The following CTNNA3 variants were observed in gnomAD, a reference collection of about 807,000 sequenced individuals.
The protein encoded by CTNNA3 is catenin alpha-3.
A neutral mutation model predicts 95.7 loss-of-function variants in CTNNA3; 76 were observed. The observed-to-expected ratio is 0.79, with a 90% CI of 0.66 to 0.96. The LOEUF (loss-of-function observed/expected upper bound fraction) is 0.96. Among genes scored for constraint, CTNNA3 ranks in the 40% least tolerant of loss-of-function variants. CTNNA3 has a pLI of 0.00. For synonymous variants in CTNNA3, 431 were observed against 374.4 expected (o/e 1.15, Z -1.74); for missense variants, 1,191 against 1,089.8 (o/e 1.09, Z -1.31).
intron 2 of CTNNA3, among the ~76,000 whole-genome samples, chr10:67,641,263 T>C (rs1298079204): frequency 1.3e-5 from 2 of 151,982 alleles, no homozygotes; most frequent in Non-Finnish European, 1.5e-5. Flanking sequence ...AAAATGCTCA[T>C]CATCACTGGC....
intron 11 of CTNNA3, among the ~76,000 whole-genome samples, chr10:66,474,560 C>T (rs1839254581): frequency 6.6e-6 from 1 of 151,850 alleles, no homozygotes; most frequent in South Asian, 2.1e-4. Flanking sequence ...GGATGTATAC[C>T]CAATAGTGGA....
At chr10:67,566,075 A>ATATATATATATATATATATATATAG (rs1156404935) in intron 3 of CTNNA3, among the ~76,000 whole-genome samples, 1 of 100,202 alleles carries the variant, frequency 1.0e-5, no homozygotes, top group African/African-American at 3.7e-5. Context: ...ATATATATAC[A>ATATATATATATATATATATATATAG]AAACCTAGGC....
At chr10:66,378,863 T>C (rs777599078) in intron 12 of CTNNA3, among the ~76,000 whole-genome samples, 10 of 152,208 alleles carry the variant, frequency 6.6e-5, no homozygotes, top group Non-Finnish European at 1.2e-4. Flanking sequence ...AGCCTAATTA[T>C]ATCTCCTAAT....
intron 7 of CTNNA3, among the ~76,000 whole-genome samples, chr10:67,115,218 C>T (rs1022439695): frequency 5.3e-5 from 8 of 151,794 alleles, no homozygotes; most frequent in East Asian, 3.9e-4. Flanking sequence ...GCAAACAAGA[C>T]GACTATAATC....
chr10:66,301,667 A>G (rs2091865234), intron 12 of CTNNA3, among the ~76,000 whole-genome samples: 2 of 151,898 alleles, frequency 1.3e-5, no homozygotes, highest in Non-Finnish European at 2.9e-5. Flanking sequence ...AAAATCCTAC[A>G]CCCACTCATA....
At chr10:67,487,621 A>G (rs903384266) in intron 5 of CTNNA3, among the ~76,000 whole-genome samples, 2 of 152,218 alleles carry the variant, frequency 1.3e-5, no homozygotes, top group African/African-American at 2.4e-5. Flanking sequence ...CCCATGGAGG[A>G]AAAGAGGATG....
chr10:66,916,577 T>G (rs1846504837), intron 7 of CTNNA3, among the ~76,000 whole-genome samples: 1 of 152,162 alleles, frequency 6.6e-6, no homozygotes. Flanking sequence ...CCTATTAAAT[T>G]TCAAGAATCC....
intron 16 of CTNNA3, among the ~76,000 whole-genome samples, chr10:65,970,439 T>C (rs1181764884): frequency 1.3e-5 from 2 of 151,932 alleles, no homozygotes; most frequent in Admixed American, 1.3e-4. Context: ...TATCCTTGAA[T>C]GTGAATAGCC....
intron 9 of CTNNA3, among the ~76,000 whole-genome samples, chr10:66,663,617 T>C (rs751795647): frequency 2.2e-4 from 34 of 152,266 alleles, no homozygotes; most frequent in Non-Finnish European, 4.6e-4. Flanking sequence ...TCTCTCCCAC[T>C]CTACTGGAAA....
intron 7 of CTNNA3, among the ~76,000 whole-genome samples, chr10:66,781,006 CAT>C (rs34612355): frequency 0.23 from 34,735 of 151,996 alleles, 4,850 homozygotes; most frequent in East Asian, 0.45. Flanking sequence ...TATGTCAAAA[CAT>C]GTGTGTGTAA....
intron 1 of CTNNA3, among the ~76,000 whole-genome samples, chr10:67,737,425 A>G (rs1379182498): frequency 6.6e-6 from 1 of 151,964 alleles, no homozygotes; most frequent in Non-Finnish European, 1.5e-5. Context: ...CAACATAACA[A>G]TGCACCCCAA....
intron 11 of CTNNA3, among the ~76,000 whole-genome samples, chr10:66,491,569 T>C (rs1302896950): frequency 6.6e-6 from 1 of 152,156 alleles, no homozygotes; most frequent in African/African-American, 2.4e-5. Context: ...TTAGTACTAA[T>C]TTCAGATCTC....
intron 5 of CTNNA3, among the ~76,000 whole-genome samples, chr10:67,408,868 G>A: frequency 2.2e-5 from 1 of 45,356 alleles, no homozygotes; most frequent in Admixed American, 3.9e-4. Context: ...GCATTTAAAA[G>A]GAACTTAAAT....
intron 9 of CTNNA3, among the ~76,000 whole-genome samples, chr10:66,696,883 G>C (rs1847785527): frequency 6.6e-6 from 1 of 152,102 alleles, no homozygotes; most frequent in African/African-American, 2.4e-5. Context: ...AGGCGGCAGT[G>C]AGCTCTAATC....
intron 7 of CTNNA3, among the ~76,000 whole-genome samples, chr10:66,873,478 C>CT (rs1159656244): frequency 3.3e-5 from 5 of 150,920 alleles, no homozygotes; most frequent in African/African-American, 7.3e-5. Flanking sequence ...TGACAATGAA[C>CT]TTTTTTTTTC....
In CTNNA3 at chr10:66,960,510, A is replaced by G. The variant is rs1361735437; in HGVS notation, c.1048-184986T>C. Reference sequence around the variant, plus strand: ...AGTAGAGAACTAATTACTAATTACAATGATCTTTTCTCAGATAATATGTAG... The same window carrying G: ...AGTAGAGAACTAATTACTAATTACAGTGATCTTTTCTCAGATAATATGTAG... On this transcript the variant is annotated intron_variant, in intron 7 of 17. Transcript: ENST00000433211. Among the ~76,000 whole-genome samples, 5 of 152,292 alleles carry G rather than the reference A, an allele frequency of 3.3e-5. No homozygotes were observed. In the East Asian group the frequency reaches 9.6e-4, roughly 29 times the overall value.
chr10:67,153,424 A>C (rs183813125), intron 7 of CTNNA3, among the ~76,000 whole-genome samples: 2 of 152,332 alleles, frequency 1.3e-5, no homozygotes, highest in East Asian at 3.9e-4. Context: ...TCACAATTTT[A>C]TATACTTTAT....
At chr10:67,006,942 T>C (rs1852028714) in intron 7 of CTNNA3, among the ~76,000 whole-genome samples, 1 of 152,072 alleles carries the variant, frequency 6.6e-6, no homozygotes, top group Admixed American at 6.6e-5. Context: ...TACAGTCATG[T>C]GCCACCACGT....
intron 9 of CTNNA3, among the ~76,000 whole-genome samples, chr10:66,630,977 C>T (rs774541860): frequency 6.6e-5 from 10 of 152,026 alleles, no homozygotes; most frequent in African/African-American, 1.7e-4. Flanking sequence ...TAAAGGGACA[C>T]GTGAAAGGAT....
Sources: allele counts gnomAD v4.1 joint callset (sites outside exome capture counted in the v4.1 genomes callset), GRCh38; gene constraint gnomAD v4.1.1; transcripts MANE v1.5; gene names NCBI Gene and HGNC (gene_info 2026-07-23, HGNC 2026-07-21).